Variants in UBE2D2 observed in about 807,000 individuals in gnomAD.
The protein encoded by UBE2D2 is ubiquitin conjugating enzyme E2 D2.
UBE2D2 carries 2 observed loss-of-function variants against 24.2 expected under a neutral mutation model. The observed-to-expected ratio is 0.08, with a 90% CI of 0.03 to 0.26. UBE2D2 has a LOEUF of 0.26. UBE2D2 is among the 10% of genes least tolerant of loss of function. The pLI, the probability that UBE2D2 is intolerant of heterozygous loss-of-function variation, is 1.00. For synonymous variants in UBE2D2, 58 were observed against 56.5 expected (o/e 1.03, Z -0.12); for missense variants, 44 against 177.6 (o/e 0.25, Z 4.28).
At chr5:139,528,530 C>T (rs1752565231) in intron 1 of UBE2D2, among the ~76,000 whole-genome samples, 1 of 152,166 alleles carries the variant, frequency 6.6e-6, no homozygotes, top group Admixed American at 6.5e-5. Flanking sequence ...GGCTGGCCCC[C>T]ATGTCCAAGG....
At chr5:139,595,703 T>C (rs1753943709) in intron 1 of UBE2D2, among the ~76,000 whole-genome samples, 1 of 152,026 alleles carries the variant, frequency 6.6e-6, no homozygotes, top group African/African-American at 2.4e-5. Context: ...CAGACCCAGT[T>C]GGTTAAAAAA....
intron 5 of UBE2D2, among the ~76,000 whole-genome samples, chr5:139,621,970 T>C (rs997931764): frequency 1.3e-5 from 2 of 152,170 alleles, no homozygotes; most frequent in African/African-American, 4.8e-5. Context: ...AAAATTGAAC[T>C]TTATGGGATC....
At chr5:139,603,634 A>AAG in intron 2 of UBE2D2, among the ~76,000 whole-genome samples, 2 of 148,118 alleles carry the variant, frequency 1.4e-5, no homozygotes, top group South Asian at 4.3e-4. Flanking sequence ...AAAAAAAAAA[A>AAG]AAAAAAAAAA....
At chr5:139,541,229 T>A (rs532402376) in intron 1 of UBE2D2, among the ~76,000 whole-genome samples, 2 of 148,310 alleles carry the variant, frequency 1.3e-5, no homozygotes, top group East Asian at 4.0e-4. Flanking sequence ...ACCTGAGAGA[T>A]GGAGGTTGCA....
At chr5:139,603,037 ATCTCATGGAGAT>A (rs1403827687) in intron 2 of UBE2D2, among the ~76,000 whole-genome samples, 2 of 152,074 alleles carry the variant, frequency 1.3e-5, no homozygotes, top group Non-Finnish European at 2.9e-5. Flanking sequence ...TCCCATGAGA[ATCTCATGGAGAT>A]TCTCCATGTG....
intron 1 of UBE2D2, among the ~76,000 whole-genome samples, chr5:139,588,705 C>T (rs1272668469): frequency 1.3e-5 from 2 of 152,138 alleles, no homozygotes; most frequent in Non-Finnish European, 2.9e-5. Context: ...TATATTTGAT[C>T]ACTACTGGAA....
At chr5:139,531,559 G>GC (rs1374797175) in intron 1 of UBE2D2, among the ~76,000 whole-genome samples, 1 of 150,064 alleles carries the variant, frequency 6.7e-6, no homozygotes, top group Non-Finnish European at 1.5e-5. Flanking sequence ...GGCTTGTCCT[G>GC]CTACAAGCTG....
intron 2 of UBE2D2, among the ~76,000 whole-genome samples, chr5:139,603,396 T>C (rs1754123018): frequency 6.6e-6 from 1 of 152,044 alleles, no homozygotes; most frequent in African/African-American, 2.4e-5. Flanking sequence ...TCTGTAATCC[T>C]AGCACTTTGG....
chr5:139,615,603 A>C (rs908031365), intron 5 of UBE2D2, among the ~76,000 whole-genome samples: 1 of 152,190 alleles, frequency 6.6e-6, no homozygotes, highest in Non-Finnish European at 1.5e-5. Flanking sequence ...ATACTATTGC[A>C]GAATAGGAAA....
chr5:139,548,193 A>ATAAAT (rs1752862435), intron 1 of UBE2D2, among the ~76,000 whole-genome samples: 57 of 47,050 alleles, frequency 1.2e-3, no homozygotes, highest in Non-Finnish European at 1.6e-3. Context: ...ATAAAAAAAA[A>ATAAAT]AAATAAATAA....
intron 1 of UBE2D2, among the ~76,000 whole-genome samples, chr5:139,569,779 A>C (rs1035685521): frequency 6.6e-6 from 1 of 152,150 alleles, no homozygotes; most frequent in Non-Finnish European, 1.5e-5. Flanking sequence ...GGATTTCTGG[A>C]CTGTCCAGTG....
chr5:139,584,370 C>T (rs1753670254), intron 1 of UBE2D2, among the ~76,000 whole-genome samples: 1 of 152,078 alleles, frequency 6.6e-6, no homozygotes, highest in African/African-American at 2.4e-5. Context: ...CCTACAGCTA[C>T]ACATTTCTCA....
At chr5:139,541,242 G>A (rs1165892266) in intron 1 of UBE2D2, among the ~76,000 whole-genome samples, 1 of 151,588 alleles carries the variant, frequency 6.6e-6, no homozygotes, top group Non-Finnish European at 1.5e-5. Flanking sequence ...AGGTTGCAGT[G>A]AACTGAGATC....
chr5:139,557,521 G>A (rs1438985614), upstream of UBE2D2, among the ~76,000 whole-genome samples: 1 of 152,108 alleles, frequency 6.6e-6, no homozygotes, highest in African/African-American at 2.4e-5. Context: ...GCCGAGGCGG[G>A]CAGATCATCT....
intron 1 of UBE2D2, among the ~76,000 whole-genome samples, chr5:139,531,745 T>C (rs1752600083): frequency 6.6e-6 from 1 of 152,086 alleles, no homozygotes; most frequent in Non-Finnish European, 1.5e-5. Flanking sequence ...GAGGATCACT[T>C]GAGCTCAGGA....
intron 1 of UBE2D2, among the ~76,000 whole-genome samples, chr5:139,569,367 C>T (rs891437961): frequency 1.3e-5 from 2 of 152,090 alleles, no homozygotes; most frequent in African/African-American, 4.8e-5. Context: ...TGAAGTCTCC[C>T]AGTGTATATT....
At chr5:139,557,133 A>G (rs1053057516), upstream of UBE2D2, among the ~76,000 whole-genome samples, 1 of 149,644 alleles carries the variant, frequency 6.7e-6, no homozygotes, top group African/African-American at 2.5e-5. Context: ...GTGCCCAGCC[A>G]ACTTTTATTT....
At chr5:139,576,181 C>T (rs1753464335) in intron 1 of UBE2D2, among the ~76,000 whole-genome samples, 1 of 152,094 alleles carries the variant, frequency 6.6e-6, no homozygotes. Flanking sequence ...CTAGGGTTGC[C>T]ATAATAAATT....
intron 1 of UBE2D2, among the ~76,000 whole-genome samples, chr5:139,595,299 T>G (rs1200704413): frequency 6.6e-6 from 1 of 152,188 alleles, no homozygotes; most frequent in African/African-American, 2.4e-5. Flanking sequence ...TTCATCATGA[T>G]GTAGAGATAT....
Sources: gnomAD v4.1 joint callset for allele counts (sites outside exome capture counted in the v4.1 genomes callset) on GRCh38, gnomAD v4.1.1 for gene constraint, MANE v1.5 for transcripts, NCBI Gene and HGNC (gene_info 2026-07-23, HGNC 2026-07-21) for gene names.